PTPRT: variants seen among roughly 807,000 people sequenced by gnomAD.
The protein encoded by PTPRT is protein tyrosine phosphatase receptor type T, also known as receptor-type tyrosine-protein phosphatase T.
Under a neutral mutation model 176.8 loss-of-function variants are expected in PTPRT, and 56 were observed. The observed-to-expected ratio is 0.32, with a 90% confidence interval of 0.26 to 0.40. The LOEUF (loss-of-function observed/expected upper bound fraction) is 0.40. PTPRT is among the 10% of genes least tolerant of loss of function. PTPRT has a pLI of 1.00. For missense variants in PTPRT, 1,540 were observed against 1,908.2 expected, an observed-to-expected ratio of 0.81 and a Z score of 3.60; for synonymous variants, 783 against 739.0, an observed-to-expected ratio of 1.06 and a Z score of -0.96.
chr20:42,776,921 C>T (rs1377060285), intron 4 of PTPRT, among the ~76,000 whole-genome samples: 1 of 151,422 alleles, frequency 6.6e-6, no homozygotes, highest in African/African-American at 2.4e-5. Flanking sequence ...TTTGCTTCAG[C>T]CTCCTTCACT....
chr20:42,063,626 C>T, the PTPRT span: 1 of 152,180 alleles, frequency 6.6e-6, no homozygotes, highest in Non-Finnish European at 1.5e-5. Flanking sequence ...TGCTTACTTC[C>T]GTCCTCTAGT....
At chr20:43,127,277 G>C (rs1353572931) in intron 1 of PTPRT, among the ~76,000 whole-genome samples, 1 of 151,942 alleles carries the variant, frequency 6.6e-6, no homozygotes, top group African/African-American at 2.4e-5. Flanking sequence ...CAAAAAATTA[G>C]CCGGGCGTGG....
At chr20:42,821,315 T>C (rs1440097135) in intron 2 of PTPRT, among the ~76,000 whole-genome samples, 2 of 152,190 alleles carry the variant, frequency 1.3e-5, no homozygotes. Flanking sequence ...AAAAACCACA[T>C]GATTATCTCA....
chr20:43,102,546 G>A (rs1458985156), intron 1 of PTPRT, among the ~76,000 whole-genome samples: 2 of 152,190 alleles, frequency 1.3e-5, no homozygotes, highest in Non-Finnish European at 2.9e-5. Flanking sequence ...TCCCTTTGGT[G>A]CTCCCCAAAG....
chr20:42,221,890 A>G (rs941833585), intron 15 of PTPRT, among the ~76,000 whole-genome samples: 11 of 152,138 alleles, frequency 7.2e-5, no homozygotes, highest in Non-Finnish European at 1.5e-4. Context: ...CATGGAGGGA[A>G]ACCACCCCCA....
rs113504241 is a variant in PTPRT, at chr20:42,614,402, G to A, written c.1153+63464C>T. On this transcript the variant is annotated intron_variant, in intron 7 of 30. Coordinates refer to ENST00000373187, the MANE Select transcript of PTPRT (RefSeq NM_007050.6). ...CTTCAACATATAATTCAGGTCCATAGTACCTTGTACCAATCCAACCACAAC... is the reference window on the plus strand; with the variant it reads ...CTTCAACATATAATTCAGGTCCATAATACCTTGTACCAATCCAACCACAAC... 4.7e-3 allele frequency among the ~76,000 whole-genome samples: 710 copies of A among 152,228 alleles called. 7 individuals are homozygous for A. Among genetic ancestry groups the A allele is most frequent in the African/African-American group, 0.016 (668 of 41,534 alleles).
chr20:42,577,618 A>G (rs1410953374), intron 7 of PTPRT, among the ~76,000 whole-genome samples: 2 of 152,162 alleles, frequency 1.3e-5, no homozygotes, highest in African/African-American at 2.4e-5. Flanking sequence ...TTGTGGTTAA[A>G]CTGGGCTAAC....
At chr20:42,398,872 A>C (rs1192149183) in intron 9 of PTPRT, among the ~76,000 whole-genome samples, 1 of 152,240 alleles carries the variant, frequency 6.6e-6, no homozygotes, top group Non-Finnish European at 1.5e-5. Context: ...ATGTCATTCA[A>C]GTAGCCATAG....
At chr20:43,096,457 G>A (rs2012172105) in intron 1 of PTPRT, among the ~76,000 whole-genome samples, 1 of 152,202 alleles carries the variant, frequency 6.6e-6, no homozygotes, top group African/African-American at 2.4e-5. Flanking sequence ...GAGGCTGCTG[G>A]CAAGTAAGGC....
chr20:42,886,201 AG>A (rs1380310505), intron 1 of PTPRT, among the ~76,000 whole-genome samples: 2 of 152,204 alleles, frequency 1.3e-5, no homozygotes, highest in African/African-American at 4.8e-5. Context: ...TTCCTGAGAA[AG>A]TAAACAGCAG....
intron 7 of PTPRT, among the ~76,000 whole-genome samples, chr20:42,530,696 T>C (rs2145539610): frequency 6.6e-6 from 1 of 152,302 alleles, no homozygotes; most frequent in African/African-American, 2.4e-5. Flanking sequence ...CGGTGGTTTG[T>C]CCCACCATCA....
chr20:42,588,804 T>C (rs1165910751), intron 7 of PTPRT, among the ~76,000 whole-genome samples: 1 of 152,130 alleles, frequency 6.6e-6, no homozygotes, highest in Non-Finnish European at 1.5e-5. Flanking sequence ...GTAAAATTAA[T>C]ACCTAACTAA....
At chr20:42,476,368 C>A (rs1237031865) in intron 7 of PTPRT, among the ~76,000 whole-genome samples, 1 of 152,102 alleles carries the variant, frequency 6.6e-6, no homozygotes, top group Admixed American at 6.6e-5. Context: ...TATGATCACT[C>A]CCCAGGTGAT....
intron 1 of PTPRT, among the ~76,000 whole-genome samples, chr20:42,904,475 C>T (rs2079448130): frequency 6.6e-6 from 1 of 152,146 alleles, no homozygotes; most frequent in Non-Finnish European, 1.5e-5. Flanking sequence ...ATGGATCTGG[C>T]TGGAAGCTCT....
At chr20:42,602,896 A>C (rs1271922040) in intron 7 of PTPRT, among the ~76,000 whole-genome samples, 2 of 152,198 alleles carry the variant, frequency 1.3e-5, no homozygotes, top group East Asian at 3.8e-4. Flanking sequence ...GGAAATGATA[A>C]ACATTTCACA....
intron 6 of PTPRT, among the ~76,000 whole-genome samples, chr20:42,741,209 T>A (rs148123105): frequency 1.2e-3 from 189 of 152,256 alleles, no homozygotes; most frequent in Non-Finnish European, 2.3e-3. Context: ...ATCTCAAAGG[T>A]CATGGTAACT....
chr20:42,672,143 TG>T lies in PTPRT; in HGVS notation c.1153+5722del, dbSNP rs578103194. Among the ~76,000 whole-genome samples the T allele has an allele frequency of 3.3e-3, 503 of 152,348 alleles. 2 individuals are homozygous for T. The highest frequency in any genetic ancestry group is 5.8e-3 in the Non-Finnish European group (395 of 68,028). ...AAAGCATTGTTCCTGGGTATGTCTG[TG>T]AGGGTGTTGCCAAAGAAGATTAACA... On this transcript the variant is annotated intron_variant, in intron 7 of 30. Coordinates refer to ENST00000373187, the MANE Select transcript of PTPRT (RefSeq NM_007050.6).
chr20:42,998,351 T>G (rs1282436326), intron 1 of PTPRT, among the ~76,000 whole-genome samples: 3 of 152,198 alleles, frequency 2.0e-5, no homozygotes, highest in African/African-American at 7.2e-5. Context: ...TTAATATGAT[T>G]CTGCGGTAAG....
intron 7 of PTPRT, among the ~76,000 whole-genome samples, chr20:42,620,469 C>G (rs1337838660): frequency 6.7e-6 from 1 of 148,800 alleles, no homozygotes; most frequent in Non-Finnish European, 1.5e-5. Flanking sequence ...TGGGCTCCAC[C>G]CAGTTCGAGC....
Sources: allele counts gnomAD v4.1 joint callset (sites outside exome capture counted in the v4.1 genomes callset), GRCh38; gene constraint gnomAD v4.1.1; transcripts MANE v1.5; gene names NCBI Gene and HGNC (gene_info 2026-07-23, HGNC 2026-07-21).